FARP1: variants seen among roughly 807,000 people sequenced by gnomAD.
FARP1 encodes the protein FERM, ARHGEF and pleckstrin domain-containing protein 1.
In FARP1, 52 loss-of-function variants were observed where a neutral mutation model predicts 128.8. The ratio of observed to expected loss-of-function variants is 0.40; its 90% CI spans 0.32 to 0.51. The LOEUF is 0.51. FARP1 is among the 20% of genes least tolerant of loss of function. The pLI is 0.45. For missense variants in FARP1, 1,333 were observed against 1,367.9 expected, an observed-to-expected ratio of 0.97 and a Z score of 0.40; for synonymous variants, 580 against 551.8, an observed-to-expected ratio of 1.05 and a Z score of -0.72.
Position 98,443,931 on chromosome 13 carries a change from T to G in FARP1, c.2797-2167T>G, listed in dbSNP as rs374382224. Among the ~76,000 whole-genome samples, 16 of 7,674 alleles carry G rather than the reference T, an allele frequency of 2.1e-3. No individual in the cohort carries two copies. The East Asian group carries it at 0.095, about 46-fold the overall frequency. The allele number at this position is 7,674 out of a possible 152,430, so 5.0% of individuals were successfully genotyped here. On this transcript the variant is annotated intron_variant, in intron 24 of 26. Coordinates refer to ENST00000319562, the MANE Select transcript of FARP1 (RefSeq NM_005766.4). ...GGAGTGGCGGGCACGGGGGTTATAT[T>G]TGTTCCCCGTGGCGTCACTCGGCAC...
intron 1 of FARP1, among the ~76,000 whole-genome samples, chr13:98,210,471 C>A (rs1203863207): frequency 6.6e-6 from 1 of 152,084 alleles, no homozygotes; most frequent in Non-Finnish European, 1.5e-5. Context: ...AGCACACTCA[C>A]ACCTCCCCCT....
chr13:98,415,824 G>C (rs923897165), intron 16 of FARP1, among the ~76,000 whole-genome samples: 2 of 152,278 alleles, frequency 1.3e-5, no homozygotes, highest in African/African-American at 4.8e-5. Context: ...CGGAAGCGCA[G>C]GTTGGCTCCT....
intron 11 of FARP1, among the ~76,000 whole-genome samples, chr13:98,392,404 G>A (rs1238009976): frequency 6.6e-6 from 1 of 150,636 alleles, no homozygotes; most frequent in Non-Finnish European, 1.5e-5. Context: ...GGAGGCTGAG[G>A]TAGGACGATT....
At chr13:98,349,221 G>A (rs1888303668) in intron 3 of FARP1, among the ~76,000 whole-genome samples, 1 of 152,208 alleles carries the variant, frequency 6.6e-6, no homozygotes, top group Non-Finnish European at 1.5e-5. Context: ...AGGAATAAAT[G>A]ACCATTTTAC....
At chr13:98,264,261 T>C (rs561597258) in intron 2 of FARP1, among the ~76,000 whole-genome samples, 111 of 152,368 alleles carry the variant, frequency 7.3e-4, no homozygotes, top group Non-Finnish European at 1.3e-3. Flanking sequence ...CTTTCTGTAG[T>C]TTGTTAACCT....
chr13:98,325,362 A>G (rs1278997665), intron 2 of FARP1, among the ~76,000 whole-genome samples: 1 of 151,956 alleles, frequency 6.6e-6, no homozygotes, highest in Non-Finnish European at 1.5e-5. Context: ...TCTATCTCAT[A>G]TGTTCTGTTT....
intron 2 of FARP1, among the ~76,000 whole-genome samples, chr13:98,232,578 A>G (rs1882195052): frequency 6.6e-6 from 1 of 152,140 alleles, no homozygotes; most frequent in African/African-American, 2.4e-5. Flanking sequence ...CTGTGTTAGC[A>G]TTTTTTAGCA....
chr13:98,214,105 T>TTGGAGCCGC (rs1467717146), intron 2 of FARP1, among the ~76,000 whole-genome samples: 5 of 152,202 alleles, frequency 3.3e-5, no homozygotes, highest in Admixed American at 1.3e-4. Flanking sequence ...GCTGGAGCCG[T>TTGGAGCCGC]TGGAGCCGCT....
At chr13:98,426,487 C>G (rs7996631) in intron 17 of FARP1, among the ~76,000 whole-genome samples, 66,637 of 151,918 alleles carry the variant, frequency 0.44, 15,554 homozygotes, top group African/African-American at 0.59. Context: ...AAGACCCTGT[C>G]TCAAAAATAA....
chr13:98,324,251 A>G (rs1887133914), intron 2 of FARP1, among the ~76,000 whole-genome samples: 1 of 152,152 alleles, frequency 6.6e-6, no homozygotes, highest in Non-Finnish European at 1.5e-5. Flanking sequence ...ATCCTTTATC[A>G]CCCAGTGTTT....
At chr13:98,313,348 A>T in intron 2 of FARP1, among the ~76,000 whole-genome samples, 1 of 151,436 alleles carries the variant, frequency 6.6e-6, no homozygotes, top group African/African-American at 2.4e-5. Context: ...ACCTGCACAA[A>T]CGTGCAGGCC....
At chr13:98,201,275 A>G (rs1378485472) in intron 1 of FARP1, among the ~76,000 whole-genome samples, 5 of 152,182 alleles carry the variant, frequency 3.3e-5, no homozygotes, top group African/African-American at 4.8e-5. Context: ...AGACTCTTTC[A>G]CTACAAAAAT....
At chr13:98,180,479 A>G (rs937279836) in intron 1 of FARP1, among the ~76,000 whole-genome samples, 2 of 152,156 alleles carry the variant, frequency 1.3e-5, no homozygotes, top group Non-Finnish European at 2.9e-5. Context: ...GAAAATTTTC[A>G]GATTCTCAGC....
intron 2 of FARP1, among the ~76,000 whole-genome samples, chr13:98,339,709 A>G (rs1364000583): frequency 6.6e-6 from 1 of 152,248 alleles, no homozygotes; most frequent in African/African-American, 2.4e-5. Context: ...ACATCACCCT[A>G]TAAAAATTTG....
intron 2 of FARP1, among the ~76,000 whole-genome samples, chr13:98,308,411 C>A (rs1316170328): frequency 2.0e-5 from 3 of 151,794 alleles, no homozygotes; most frequent in Non-Finnish European, 4.4e-5. Context: ...CGTGGTACCC[C>A]CTTAGGTGGT....
chr13:98,282,604 C>T (rs554167316), intron 2 of FARP1, among the ~76,000 whole-genome samples: 1 of 152,234 alleles, frequency 6.6e-6, no homozygotes, highest in South Asian at 2.1e-4. Flanking sequence ...AAAGATTTGA[C>T]CTTAAAAGAG....
chr13:98,396,396 C>G lies in FARP1; in HGVS notation c.1414+920C>G, dbSNP rs1019761739. 1.0e-5 allele frequency: 4 copies of G among 399,136 alleles called. No individual in the cohort carries two copies. The Admixed American group carries it at 1.3e-4, about 13-fold the overall frequency. The allele number at this position is 399,136 out of a possible 1,614,324, so 24.7% of individuals were successfully genotyped here. A position where few individuals can be genotyped will look rare whatever the true frequency, so the allele number is the denominator to read the frequency against. ...TTGGTAACCCCGCAGTGCTGCGTTC[C>G]CCGTCCCTGCTGAGAAGCCGGGGGT... On this transcript the variant is annotated intron_variant, in intron 13 of 26. Transcript: ENST00000319562.
intron 2 of FARP1, among the ~76,000 whole-genome samples, chr13:98,235,575 G>C (rs1219180159): frequency 1.3e-5 from 2 of 152,156 alleles, no homozygotes; most frequent in Non-Finnish European, 2.9e-5. Flanking sequence ...CGATAGCTTA[G>C]AGTGGGTGGG....
chr13:98,354,174 G>A (rs887960312), intron 3 of FARP1, among the ~76,000 whole-genome samples: 2 of 152,178 alleles, frequency 1.3e-5, no homozygotes, highest in Admixed American at 6.5e-5. Flanking sequence ...AATGAGTTCA[G>A]TACACAAGTG....
Sources: gnomAD v4.1 joint callset for allele counts (sites outside exome capture counted in the v4.1 genomes callset) on GRCh38, gnomAD v4.1.1 for gene constraint, MANE v1.5 for transcripts, NCBI Gene and HGNC (gene_info 2026-07-23, HGNC 2026-07-21) for gene names.